ACER1: variants seen among roughly 807,000 people sequenced by gnomAD.
ACER1 encodes the protein CTB-180A7.3.
A neutral mutation model predicts 24.9 loss-of-function variants in ACER1; 28 were observed. The observed-to-expected ratio is 1.13, with a 90% confidence interval of 0.83 to 1.54. The LOEUF (loss-of-function observed/expected upper bound fraction) is 1.54, where lower values mean the gene tolerates loss of function less well. Among genes scored for constraint, ACER1 ranks in the 40% most tolerant of loss-of-function variants. The pLI, the probability that ACER1 is intolerant of heterozygous loss-of-function variation, is 0.00. For synonymous variants in ACER1, 132 were observed against 131.4 expected, an observed-to-expected ratio of 1.00 and a Z score of -0.03; for missense variants, 352 against 349.3, an observed-to-expected ratio of 1.01 and a Z score of -0.06.
chr19:6,323,518 C>T (rs1166365285), intron 1 of ACER1, among the ~76,000 whole-genome samples: 2 of 152,194 alleles, frequency 1.3e-5, no homozygotes, highest in African/African-American at 4.8e-5. Flanking sequence ...CTTGCTCCTC[C>T]TTGCCTTCCA....
upstream of ACER1, among the ~76,000 whole-genome samples, chr19:6,337,928 C>T (rs1424619352): frequency 6.6e-6 from 1 of 151,174 alleles, no homozygotes; most frequent in East Asian, 1.9e-4. Context: ...CCACCCACCT[C>T]GGCCTCCCAA....
At chr19:6,353,321 G>C in the ACER1 span, 1 of 151,750 alleles carries the variant, frequency 6.6e-6, no homozygotes, top group African/African-American at 2.4e-5. Context: ...GACAAGGCAA[G>C]ACTCTACTTC....
At chr19:6,319,311 T>C (rs1220737562) in intron 1 of ACER1, among the ~76,000 whole-genome samples, 3 of 151,766 alleles carry the variant, frequency 2.0e-5, no homozygotes, top group East Asian at 1.9e-4. Context: ...GATGCCAGGG[T>C]CTCCCTCCCT....
the ACER1 span, among the ~76,000 whole-genome samples, chr19:6,341,161 C>T: frequency 2.1e-4 from 32 of 149,588 alleles, no homozygotes; most frequent in South Asian, 1.3e-3. Flanking sequence ...AGTGCACTGG[C>T]GCGATCTCGG....
At position 6,306,682 on chromosome 19, in the gene ACER1, G is replaced by T; in HGVS notation, c.*32C>A. ...CTTCTCAAGACACAGGCAAGTTGTTGGGTGGTTGGATAGTCAAGAGGCTGG... is the reference window on the plus strand; with the variant it reads ...CTTCTCAAGACACAGGCAAGTTGTTTGGTGGTTGGATAGTCAAGAGGCTGG... On this transcript the variant is annotated 3_prime_UTR_variant, in exon 6 of 6. Transcript: ENST00000301452. 2 of 1,575,078 alleles carry T rather than the reference G, an allele frequency of 1.3e-6. No individual in the cohort carries two copies. The highest frequency in any genetic ancestry group is 8.6e-7 in the Non-Finnish European group (1 of 1,157,006).
rs1300433688 is a variant in ACER1, at chr19:6,312,487, G to C, written c.106C>G (p.Pro36Ala). 2.5e-6 allele frequency: 4 copies of C among 1,613,664 alleles called. No individual in the cohort carries two copies. The highest frequency in any genetic ancestry group is 3.4e-6 in the Non-Finnish European group (4 of 1,179,852). The change falls in exon 2 of 6, where the codon CCC (proline) becomes GCC (alanine). Residue 36 changes from proline (P) to alanine (A), a missense_variant. Transcript: ENST00000301452. ...ATCAGTGGCCCGAAGATGAAGAAGG[G>C]GATATTGGAGAACTGGAGCAGAGAG... ...AEFYNTFSNI[P>A]FFIFGPLMML...
chr19:6,311,282 G>A (rs1362336766), intron 3 of ACER1, among the ~76,000 whole-genome samples: 2 of 152,022 alleles, frequency 1.3e-5, no homozygotes, highest in African/African-American at 4.8e-5. Flanking sequence ...AATTTCACTT[G>A]CCTGTAATCC....
chr19:6,322,503 A>G (rs1483138178), intron 1 of ACER1, among the ~76,000 whole-genome samples: 1 of 151,990 alleles, frequency 6.6e-6, no homozygotes, highest in Non-Finnish European at 1.5e-5. Context: ...TTCAAAACCC[A>G]ACCCTGGGTG....
chr19:6,341,400 G>A, the ACER1 span, among the ~76,000 whole-genome samples: 3 of 150,856 alleles, frequency 2.0e-5, no homozygotes, highest in African/African-American at 4.9e-5. Context: ...GGGTACACAC[G>A]TGTGGTCTTA....
At chr19:6,307,523 C>G (rs74856711) in intron 4 of ACER1, among the ~76,000 whole-genome samples, 8,076 of 151,928 alleles carry the variant, frequency 0.053, 339 homozygotes, top group East Asian at 0.18. Context: ...TAGCTCATGC[C>G]TGTAATCCCA....
the ACER1 span, among the ~76,000 whole-genome samples, chr19:6,342,650 T>C: frequency 2.0e-5 from 3 of 150,510 alleles, no homozygotes; most frequent in Non-Finnish European, 4.4e-5. Flanking sequence ...ACCCAGGAGG[T>C]GGAGCTTGCA....
At chr19:6,311,191 G>A (rs2091578011) in intron 3 of ACER1, among the ~76,000 whole-genome samples, 1 of 141,176 alleles carries the variant, frequency 7.1e-6, no homozygotes, top group Non-Finnish European at 1.6e-5. Flanking sequence ...ATAAAGGAAA[G>A]ATGACAGGGG....
Position 6,333,589 on chromosome 19 carries a change from CAG to C in ACER1, c.-40_-39del, listed in dbSNP as rs1384831350. 1 of 1,531,890 alleles carries C rather than the reference CAG, an allele frequency of 6.5e-7. No homozygotes were observed. The highest frequency in any genetic ancestry group is 8.8e-7 in the Non-Finnish European group (1 of 1,131,730). 94.9% of individuals were successfully genotyped at this position (1,531,890 alleles called of 1,614,324 possible). ...GCCACCACCAGCCGGCTGCGCCCGGCAGAGAGAAGGCGAGCTTGGGAAGGCTG... is the reference window on the plus strand; with the variant it reads ...GCCACCACCAGCCGGCTGCGCCCGGCAGAGAAGGCGAGCTTGGGAAGGCTG... On this transcript the variant is annotated 5_prime_UTR_variant, in exon 1 of 6. Transcript: ENST00000301452.
At chr19:6,318,681 G>A (rs1476554265) in intron 1 of ACER1, among the ~76,000 whole-genome samples, 3 of 149,546 alleles carry the variant, frequency 2.0e-5, no homozygotes, top group African/African-American at 7.4e-5. Context: ...AGCTACTTGG[G>A]AGGCTGAGGC....
intron 1 of ACER1, among the ~76,000 whole-genome samples, chr19:6,314,530 C>T (rs1039624328): frequency 2.6e-5 from 4 of 151,786 alleles, no homozygotes; most frequent in Non-Finnish European, 4.4e-5. Flanking sequence ...CTCAAGACCC[C>T]GACGTGCTGA....
the ACER1 span, among the ~76,000 whole-genome samples, chr19:6,352,020 C>A: frequency 3.3e-5 from 5 of 149,936 alleles, no homozygotes; most frequent in African/African-American, 4.9e-5. Flanking sequence ...CACACCACTG[C>A]ACTCCAGCCT....
Position 6,323,173 on chromosome 19 carries a change from C to T in ACER1, c.93+10286G>A, listed in dbSNP as rs111847885. 3.3e-5 allele frequency among the ~76,000 whole-genome samples: 5 copies of T among 151,986 alleles called. No homozygotes were observed. The Middle Eastern group carries it at 0.01, about 310-fold the overall frequency. On this transcript the variant is annotated intron_variant, in intron 1 of 5. Coordinates refer to ENST00000301452, the MANE Select transcript of ACER1 (RefSeq NM_133492.3). ...CAGTGGTTCACACCTGTAATCCCAG[C>T]ACTTTGGGAGGCCAAGGCAGGCAGA...
At chr19:6,314,104 G>A (rs1039189917) in intron 1 of ACER1, among the ~76,000 whole-genome samples, 18 of 149,936 alleles carry the variant, frequency 1.2e-4, no homozygotes, top group African/African-American at 4.5e-4. Context: ...CTACAAAACA[G>A]TATGTAAATA....
chr19:6,338,947 G>A, the ACER1 span, among the ~76,000 whole-genome samples: 2 of 148,826 alleles, frequency 1.3e-5, no homozygotes, highest in South Asian at 2.1e-4. Flanking sequence ...GTGCAATCTC[G>A]GCTCACTGCA....
Sources: allele counts gnomAD v4.1 joint callset (sites outside exome capture counted in the v4.1 genomes callset), GRCh38; gene constraint gnomAD v4.1.1; transcripts MANE v1.5; gene names NCBI Gene and HGNC (gene_info 2026-07-23, HGNC 2026-07-21).